GALNT17: variants seen among roughly 807,000 people sequenced by gnomAD.
The protein encoded by GALNT17 is polypeptide N-acetylgalactosaminyltransferase 17.
GALNT17 carries 29 observed loss-of-function variants against 63.7 expected under a neutral mutation model. The ratio of observed to expected loss-of-function variants is 0.46; its 90% CI spans 0.34 to 0.62. The LOEUF is 0.62. Among genes scored for constraint, GALNT17 ranks in the 20% least tolerant of loss-of-function variants. The pLI is 0.01. For missense variants in GALNT17, 603 were observed against 799.6 expected (o/e 0.75, Z 2.97); for synonymous variants, 305 against 318.3 (o/e 0.96, Z 0.45).
chr7:71,139,542 C>T (rs1787848164), intron 1 of GALNT17, among the ~76,000 whole-genome samples: 1 of 152,158 alleles, frequency 6.6e-6, no homozygotes, highest in South Asian at 2.1e-4. Context: ...CACTCAGGCA[C>T]TTGAAGTTGG....
intron 6 of GALNT17, among the ~76,000 whole-genome samples, chr7:71,578,438 A>ATCC (rs1789574881): frequency 6.6e-6 from 1 of 152,134 alleles, no homozygotes; most frequent in South Asian, 2.1e-4. Context: ...GAATCAGGTG[A>ATCC]TCCTCCTGTC....
At chr7:71,692,500 G>T (rs1791469567) in intron 9 of GALNT17, among the ~76,000 whole-genome samples, 1 of 152,014 alleles carries the variant, frequency 6.6e-6, no homozygotes, top group Non-Finnish European at 1.5e-5. Flanking sequence ...CTTTAGCTAG[G>T]AGGCTCAGCA....
intron 1 of GALNT17, among the ~76,000 whole-genome samples, chr7:71,244,969 CA>C (rs957139430): frequency 1.3e-5 from 2 of 151,276 alleles, no homozygotes; most frequent in East Asian, 1.9e-4. Context: ...AAAAATCAAC[CA>C]AAAAAAACCT....
intron 5 of GALNT17, among the ~76,000 whole-genome samples, chr7:71,518,390 C>G (rs1038849341): frequency 1.3e-5 from 2 of 152,154 alleles, no homozygotes; most frequent in Admixed American, 1.3e-4. Context: ...CTGAAAATTG[C>G]TTTCCCCAAG....
chr7:71,617,483 A>C (rs1416032723), intron 6 of GALNT17, among the ~76,000 whole-genome samples: 2 of 150,462 alleles, frequency 1.3e-5, no homozygotes, highest in Non-Finnish European at 3.0e-5. Flanking sequence ...CACCACTCCC[A>C]GCTAATTTTT....
intron 3 of GALNT17, among the ~76,000 whole-genome samples, chr7:71,410,320 A>C (rs1411219736): frequency 6.6e-6 from 1 of 150,642 alleles, no homozygotes; most frequent in Non-Finnish European, 1.5e-5. Flanking sequence ...ATCTTGGCTC[A>C]CTGCAACCTC....
At chr7:71,493,989 G>C (rs558270778) in intron 5 of GALNT17, among the ~76,000 whole-genome samples, 1 of 152,186 alleles carries the variant, frequency 6.6e-6, no homozygotes, top group South Asian at 2.1e-4. Context: ...TTAAGAGGCA[G>C]GGTGTATTAG....
At chr7:71,270,359 TA>T (rs1224736508) in intron 1 of GALNT17, among the ~76,000 whole-genome samples, 2 of 151,576 alleles carry the variant, frequency 1.3e-5, no homozygotes, top group African/African-American at 4.8e-5. Context: ...CCGTCTCTAC[TA>T]AAAAAATAAC....
chr7:71,329,199 C>G (rs1791758415), intron 1 of GALNT17, among the ~76,000 whole-genome samples: 1 of 152,116 alleles, frequency 6.6e-6, no homozygotes, highest in Non-Finnish European at 1.5e-5. Context: ...CTGTCCCATT[C>G]TGATAGTGTC....
chr7:71,193,686 C>G (rs1788994860), intron 1 of GALNT17, among the ~76,000 whole-genome samples: 1 of 151,860 alleles, frequency 6.6e-6, no homozygotes, highest in Non-Finnish European at 1.5e-5. Context: ...AGAAAATAGA[C>G]CCATATGCTA....
intron 6 of GALNT17, among the ~76,000 whole-genome samples, chr7:71,602,951 C>T (rs1282391968): frequency 6.6e-6 from 1 of 152,128 alleles, no homozygotes; most frequent in African/African-American, 2.4e-5. Context: ...ATGCTAAGTG[C>T]ATACACTGGA....
intron 6 of GALNT17, among the ~76,000 whole-genome samples, chr7:71,605,170 A>T (rs1790026601): frequency 6.6e-6 from 1 of 152,190 alleles, no homozygotes; most frequent in South Asian, 2.1e-4. Context: ...GCTCTTGAAT[A>T]CTATGCAGTT....
At chr7:71,247,421 C>T (rs577671048) in intron 1 of GALNT17, among the ~76,000 whole-genome samples, 4 of 152,192 alleles carry the variant, frequency 2.6e-5, no homozygotes, top group African/African-American at 9.6e-5. Context: ...CCACAAATAA[C>T]TTCAGGCTCC....
intron 6 of GALNT17, among the ~76,000 whole-genome samples, chr7:71,615,932 C>T (rs1374024885): frequency 6.6e-6 from 1 of 152,086 alleles, no homozygotes; most frequent in Non-Finnish European, 1.5e-5. Context: ...GAGGAGGTGT[C>T]GTCTTGCCCA....
At chr7:71,693,309 C>T (rs34722709) in intron 9 of GALNT17, among the ~76,000 whole-genome samples, 94,888 of 123,844 alleles carry the variant, frequency 0.77, 36,323 homozygotes, top group South Asian at 0.84. Context: ...CACACACACA[C>T]ATATATATAT....
rs139177194 is a variant in GALNT17, at chr7:71,455,071, G to T, written c.962+33966G>T. 5.0e-3 allele frequency among the ~76,000 whole-genome samples: 759 copies of T among 151,998 alleles called. 4 individuals carry two copies. The highest frequency in any genetic ancestry group is 0.015 in the African/African-American group (634 of 41,440). ...TAGTGGCAGCTACTCAGGAGGCTGA[G>T]ATGGGCCCATTACATGAGCCTGGGA... On this transcript the variant is annotated intron_variant, in intron 5 of 10. Transcript: ENST00000333538.
Position 71,253,639 on chromosome 7 carries a change from C to G in GALNT17, c.239-81911C>G, listed in dbSNP as rs1299805814. 1.3e-5 allele frequency among the ~76,000 whole-genome samples: 2 copies of G among 151,334 alleles called. 1 individual carries two copies. The highest frequency in any genetic ancestry group is 4.2e-4 in the South Asian group (2 of 4,798). On this transcript the variant is annotated intron_variant, in intron 1 of 10. Coordinates refer to ENST00000333538, the MANE Select transcript of GALNT17 (RefSeq NM_022479.3). ...TGATATTTCCTGTGGTTTTGTGTTCCTTTTTCCTGAGCACATCCTAAACCT... is the reference window on the plus strand; with the variant it reads ...TGATATTTCCTGTGGTTTTGTGTTCGTTTTTCCTGAGCACATCCTAAACCT...
intron 5 of GALNT17, among the ~76,000 whole-genome samples, chr7:71,429,341 G>T (rs1466736636): frequency 4.6e-5 from 7 of 152,138 alleles, no homozygotes; most frequent in East Asian, 1.9e-4. Flanking sequence ...AGGTCATGCT[G>T]TCTGACTCAC....
chr7:71,280,993 A>G (rs1418631115), intron 1 of GALNT17, among the ~76,000 whole-genome samples: 1 of 152,190 alleles, frequency 6.6e-6, no homozygotes, highest in Non-Finnish European at 1.5e-5. Flanking sequence ...ACAGATGCCC[A>G]GAGATTGTAG....
Sources: allele counts gnomAD v4.1 joint callset (sites outside exome capture counted in the v4.1 genomes callset), GRCh38; gene constraint gnomAD v4.1.1; transcripts MANE v1.5; gene names NCBI Gene and HGNC (gene_info 2026-07-23, HGNC 2026-07-21).